KIF4A: variants seen among roughly 807,000 people sequenced by gnomAD.
KIF4A encodes kinesin family member 4A.
In KIF4A, 7 loss-of-function variants were observed where a neutral mutation model predicts 105.9. That is an observed-to-expected ratio of 0.07 (90% CI 0.04 to 0.12). The LOEUF (loss-of-function observed/expected upper bound fraction) is 0.12. KIF4A is among the 10% of genes least tolerant of loss of function. The probability of loss-of-function intolerance (pLI) is 1.00; values close to 1 mark genes in which losing one functional copy is unlikely to be tolerated. For missense variants in KIF4A, 558 were observed against 929.2 expected, an observed-to-expected ratio of 0.60 and a Z score of 5.19; for synonymous variants, 281 against 331.3, an observed-to-expected ratio of 0.85 and a Z score of 1.65.
chrX:70,327,876 C>T (rs889784637), intron 7 of KIF4A, among the ~76,000 whole-genome samples: 3 of 111,631 alleles, frequency 2.7e-5, no homozygotes, highest in African/African-American at 9.8e-5. Flanking sequence ...GGTAGAAGAT[C>T]ATATGTCCAG....
intron 20 of KIF4A, among the ~76,000 whole-genome samples, chrX:70,394,554 T>C (rs1181876212): frequency 8.9e-6 from 1 of 112,128 alleles, no homozygotes; most frequent in Non-Finnish European, 1.9e-5. Flanking sequence ...TTAGACCATT[T>C]ACATTTAATG....
intron 28 of KIF4A, among the ~76,000 whole-genome samples, chrX:70,408,714 A>G (rs966377858): frequency 1.7e-4 from 19 of 112,410 alleles, no homozygotes; most frequent in African/African-American, 6.1e-4. Context: ...AGAATGCAAC[A>G]TATCATGTGC....
Position 70,420,504 on chromosome X carries a change from T to C in KIF4A, c.*239T>C, listed in dbSNP as rs1025636998. On this transcript the variant is annotated 3_prime_UTR_variant, in exon 31 of 31. Transcript: ENST00000374403. ...GTCACCTACTGAAGAGAGAACCAAC[T>C]GACTTTCCTATTGACTCATCAGGAA... The C allele has an allele frequency of 5.2e-6, 2 of 381,387 alleles. No homozygotes were observed. The highest frequency in any genetic ancestry group is 9.1e-6 in the Non-Finnish European group (2 of 220,808). The allele number at this position is 381,387 out of a possible 1,213,427, so 31.4% of individuals were successfully genotyped here.
At position 70,406,982 on chromosome X, in the gene KIF4A, G is replaced by A. The variant is rs762833098; in HGVS notation, c.3162G>A (p.Glu1054=). The change falls in exon 28 of 31, where the codon GAG becomes GAA. Residue 1054 remains glutamate (E), a synonymous_variant. Coordinates refer to ENST00000374403, the MANE Select transcript of KIF4A (RefSeq NM_012310.5). ...LKYCSEHSVN[E]HEDGDGDDDE... ...ATTGTTCAGAGCATTCTGTGAATGA[G>A]CATGAGGATGGTGATGGTGATGATG... The A allele has an allele frequency of 6.6e-6, 8 of 1,211,455 alleles. No homozygotes were observed. Among genetic ancestry groups the A allele is most frequent in the Non-Finnish European group, 7.8e-6 (7 of 895,218 alleles).
intron 28 of KIF4A, 140 bp downstream of exon 28, chrX:70,407,215 C>T: frequency 1.5e-6 from 1 of 656,883 alleles, no homozygotes; most frequent in East Asian, 3.6e-5. Flanking sequence ...TCAAGTAATT[C>T]TCGTGTCTCA....
At position 70,383,112 on chromosome X, in the gene KIF4A, G is replaced by A. The variant is rs573447454; in HGVS notation, c.2035-3506G>A. Among the ~76,000 whole-genome samples the A allele has an allele frequency of 6.4e-5, 7 of 108,942 alleles. No individual in the cohort carries two copies. The South Asian group carries it at 2.8e-3, about 44-fold the overall frequency. 94.6% of individuals were successfully genotyped at this position (108,942 alleles called of 115,157 possible). A position where few individuals can be genotyped will look rare whatever the true frequency, so the allele number is the denominator to read the frequency against. ...TGAGGTAGAAGAATCGCTTGAATCC[G>A]GGAGGTGGAGGTTGTGGTGAGCCGA... On this transcript the variant is annotated intron_variant, in intron 18 of 30. Transcript: ENST00000374403.
intron 22 of KIF4A, among the ~76,000 whole-genome samples, chrX:70,397,391 AGAAAGGAAAG>A (rs766706781): frequency 1.4e-4 from 16 of 111,406 alleles, no homozygotes; most frequent in East Asian, 1.1e-3. Context: ...ACAGACAGAA[AGAAAGGAAAG>A]GAAAGGAAAG....
chrX:70,349,320 G>A (rs1168673835), intron 13 of KIF4A, among the ~76,000 whole-genome samples: 8 of 97,776 alleles, frequency 8.2e-5, no homozygotes, highest in Admixed American at 3.2e-4. Flanking sequence ...CAGGGTGGCC[G>A]GGCAGAGGTG....
chrX:70,386,748 T>C (rs761720325), intron 19 of KIF4A, 47 bp downstream of exon 19: 7 of 949,261 alleles, frequency 7.4e-6, no homozygotes, highest in Non-Finnish European at 1.1e-5. Flanking sequence ...CATCTTCAGG[T>C]TTAAATGCTT....
intron 22 of KIF4A, among the ~76,000 whole-genome samples, chrX:70,396,955 C>T (rs2086261709): frequency 9.0e-6 from 1 of 111,392 alleles, no homozygotes; most frequent in African/African-American, 3.3e-5. Flanking sequence ...CACCTGTAAT[C>T]CCAGCTACTC....
intron 29 of KIF4A, 140 bp from the exon 30 acceptor site, chrX:70,419,521 C>T: frequency 2.9e-6 from 2 of 700,188 alleles, no homozygotes; most frequent in Non-Finnish European, 4.4e-6. Flanking sequence ...TATGACCTCC[C>T]CAAGCAGGGC....
At chrX:70,290,839 A>G in intron 3 of KIF4A, 34 bp downstream of exon 3, 5 of 968,012 alleles carry the variant, frequency 5.2e-6, no homozygotes, top group Non-Finnish European at 7.4e-6. Context: ...CGTAACATAT[A>G]TATTCCTTGA....
At chrX:70,314,753 T>C (rs1009216519) in intron 7 of KIF4A, among the ~76,000 whole-genome samples, 1 of 110,707 alleles carries the variant, frequency 9.0e-6, no homozygotes, top group Admixed American at 9.7e-5. Flanking sequence ...GGGCCAAGGG[T>C]AAATGAGTCA....
chrX:70,400,528 A>C (rs960115915), intron 22 of KIF4A, among the ~76,000 whole-genome samples: 2 of 111,225 alleles, frequency 1.8e-5, no homozygotes, highest in Non-Finnish European at 3.8e-5. Flanking sequence ...AGGCTATTAA[A>C]ATACTCCTTT....
At chrX:70,386,752 A>G (rs767521636) in intron 19 of KIF4A, 51 bp downstream of exon 19, 7 of 923,084 alleles carry the variant, frequency 7.6e-6, no homozygotes, top group Non-Finnish European at 1.1e-5. Context: ...TTCAGGTTTA[A>G]ATGCTTGCAA....
chrX:70,306,804 GTGC>G (rs2085829090), intron 7 of KIF4A, among the ~76,000 whole-genome samples: 1 of 110,010 alleles, frequency 9.1e-6, no homozygotes, highest in African/African-American at 3.3e-5. Flanking sequence ...GCCTTCCAAA[GTGC>G]TGGGATTACA....
intron 7 of KIF4A, among the ~76,000 whole-genome samples, chrX:70,305,773 C>A (rs1164868999): frequency 8.9e-6 from 1 of 112,012 alleles, no homozygotes; most frequent in African/African-American, 3.2e-5. Context: ...TACCATCACA[C>A]TGTTTTTCAA....
intron 22 of KIF4A, among the ~76,000 whole-genome samples, chrX:70,398,160 C>CCCAAGTAGCCT (rs1281402237): frequency 8.9e-6 from 1 of 111,853 alleles, no homozygotes; most frequent in Non-Finnish European, 1.9e-5. Context: ...GTCTCAGCCT[C>CCCAAGTAGCCT]CCAAGTAGCT....
intron 7 of KIF4A, 147 bp downstream of exon 7, chrX:70,302,545 A>G: frequency 1.8e-6 from 1 of 549,392 alleles, no homozygotes; most frequent in Middle Eastern, 3.5e-4. Flanking sequence ...ATAGCGAAAA[A>G]TTGTTTCTTT....
Sources: allele counts gnomAD v4.1 joint callset (sites outside exome capture counted in the v4.1 genomes callset), GRCh38; gene constraint gnomAD v4.1.1; transcripts MANE v1.5; gene names NCBI Gene and HGNC (gene_info 2026-07-23, HGNC 2026-07-21).